Variants in TMEM63C observed in about 807,000 individuals in gnomAD.
TMEM63C encodes transmembrane protein 63C.
A neutral mutation model predicts 99.2 loss-of-function variants in TMEM63C; 32 were observed. That is an observed-to-expected ratio of 0.32 (90% CI 0.24 to 0.43). The LOEUF is 0.43. Ranked by LOEUF, TMEM63C falls within the 20% of genes least tolerant of loss-of-function variation. The pLI is 1.00. For missense variants in TMEM63C, 826 were observed against 1,053.0 expected (o/e 0.78, Z 2.98); for synonymous variants, 376 against 397.9 (o/e 0.94, Z 0.66).
chr14:77,230,636 T>G (rs527821659), intron 6 of TMEM63C, among the ~76,000 whole-genome samples: 16 of 152,212 alleles, frequency 1.1e-4, no homozygotes, highest in Admixed American at 1.0e-3. Context: ...ACTGCACATA[T>G]GAGGGATCTA....
chr14:77,195,751 C>T (rs756959951), intron 1 of TMEM63C, among the ~76,000 whole-genome samples: 1 of 152,196 alleles, frequency 6.6e-6, no homozygotes, highest in African/African-American at 2.4e-5. Context: ...CTCCCAGTGC[C>T]GTGCTGTCTC....
chr14:77,243,332 G>A (rs972021800), intron 15 of TMEM63C, among the ~76,000 whole-genome samples: 3 of 152,136 alleles, frequency 2.0e-5, no homozygotes, highest in Non-Finnish European at 2.9e-5. Flanking sequence ...AGGGGGTGTC[G>A]TCCTGTCAAC....
chr14:77,232,973 G>C (rs1888971540), intron 7 of TMEM63C, among the ~76,000 whole-genome samples: 1 of 152,192 alleles, frequency 6.6e-6, no homozygotes, highest in Non-Finnish European at 1.5e-5. Flanking sequence ...CCAAGAGCTG[G>C]TATGTTGGCA....
At chr14:77,206,971 C>A (rs767405254) in intron 1 of TMEM63C, among the ~76,000 whole-genome samples, 12 of 151,958 alleles carry the variant, frequency 7.9e-5, no homozygotes, top group Non-Finnish European at 1.5e-4. Context: ...CTTTTTAACA[C>A]AGGCATGAAG....
intron 2 of TMEM63C, among the ~76,000 whole-genome samples, chr14:77,217,541 CGAATG>C (rs1324600830): frequency 6.6e-6 from 1 of 152,208 alleles, no homozygotes; most frequent in African/African-American, 2.4e-5. Flanking sequence ...CTACTTTTCT[CGAATG>C]GAAGTGAAGG....
intron 1 of TMEM63C, among the ~76,000 whole-genome samples, chr14:77,182,498 T>C (rs1003157361): frequency 6.6e-6 from 1 of 152,308 alleles, no homozygotes; most frequent in East Asian, 1.9e-4. Flanking sequence ...ATGAAGGCCC[T>C]GGGGAAACTG....
intron 1 of TMEM63C, among the ~76,000 whole-genome samples, chr14:77,212,556 C>T (rs1158729217): frequency 6.6e-6 from 1 of 152,208 alleles, no homozygotes; most frequent in Non-Finnish European, 1.5e-5. Flanking sequence ...GGATTTTCTG[C>T]CTGTCTTCTT....
chr14:77,198,578 A>C (rs1325100121), intron 1 of TMEM63C, among the ~76,000 whole-genome samples: 1 of 152,230 alleles, frequency 6.6e-6, no homozygotes, highest in Non-Finnish European at 1.5e-5. Context: ...TGATCAGACC[A>C]TCAAAGTTGT....
At position 77,246,603 on chromosome 14, in the gene TMEM63C, T is replaced by C. The variant is rs1488540361; in HGVS notation, c.1536-6T>C. ...ACTAACAGACCTGCCTTGTTTTTGC[T>C]TCTAGTTTGGATGTCTTTCTCCGCT... On this transcript the variant is annotated splice_polypyrimidine_tract_variant and splice_region_variant and intron_variant, in intron 17 of 23. Transcript: ENST00000298351. The C allele has an allele frequency of 5.0e-6, 8 of 1,612,234 alleles. No individual in the cohort carries two copies. Among genetic ancestry groups the C allele is most frequent in the Non-Finnish European group, 6.8e-6 (8 of 1,179,076 alleles).
chr14:77,244,917 T>C (rs981070267), intron 16 of TMEM63C, among the ~76,000 whole-genome samples: 5 of 152,244 alleles, frequency 3.3e-5, no homozygotes, highest in African/African-American at 7.2e-5. Context: ...GCCAACCTTT[T>C]ACCCAATCAG....
intron 7 of TMEM63C, among the ~76,000 whole-genome samples, chr14:77,232,671 A>G (rs386913): frequency 0.064 from 9,812 of 152,334 alleles, 409 homozygotes; most frequent in Admixed American, 0.1. Flanking sequence ...TTGGGAGATC[A>G]CATGCCACAT....
intron 2 of TMEM63C, among the ~76,000 whole-genome samples, chr14:77,216,756 C>G (rs1014764255): frequency 6.6e-6 from 1 of 152,178 alleles, no homozygotes. Context: ...GAGCACGTCT[C>G]TCACCTCCAC....
chr14:77,223,289 A>C (rs887725592), intron 5 of TMEM63C, among the ~76,000 whole-genome samples: 1 of 152,216 alleles, frequency 6.6e-6, no homozygotes, highest in Non-Finnish European at 1.5e-5. Context: ...TGAGGGGGAC[A>C]AACTGAAGAG....
chr14:77,254,252 G>A (rs1172762408), intron 23 of TMEM63C, among the ~76,000 whole-genome samples: 16 of 152,286 alleles, frequency 1.1e-4, no homozygotes, highest in Admixed American at 7.8e-4. Context: ...CGGAGTGGGC[G>A]GCAGGGCCCT....
chr14:77,198,254 A>T (rs1888243054), intron 1 of TMEM63C, among the ~76,000 whole-genome samples: 1 of 152,206 alleles, frequency 6.6e-6, no homozygotes. Context: ...GCCAGCAGAG[A>T]CTACCCATGA....
chr14:77,189,646 G>A (rs1322518775), intron 1 of TMEM63C, among the ~76,000 whole-genome samples: 6 of 152,194 alleles, frequency 3.9e-5, no homozygotes, highest in Admixed American at 6.5e-5. Context: ...AATTCAGTTG[G>A]TTTAAATGAA....
intron 9 of TMEM63C, among the ~76,000 whole-genome samples, chr14:77,237,909 T>C (rs530522580): frequency 6.6e-6 from 1 of 152,256 alleles, no homozygotes; most frequent in Non-Finnish European, 1.5e-5. Flanking sequence ...AGGCCGTCCA[T>C]TCAAAAGGAC....
chr14:77,191,627 C>A (rs1241159742), intron 1 of TMEM63C, among the ~76,000 whole-genome samples: 1 of 148,730 alleles, frequency 6.7e-6, no homozygotes, highest in Non-Finnish European at 1.5e-5. Flanking sequence ...TCACCACAAC[C>A]TCCACCTCCT....
At chr14:77,203,445 A>G (rs886228354) in intron 1 of TMEM63C, among the ~76,000 whole-genome samples, 4 of 151,652 alleles carry the variant, frequency 2.6e-5, no homozygotes, top group African/African-American at 7.3e-5. Context: ...CTCGCCACCT[A>G]GTTCCCTACC....
Sources: allele counts gnomAD v4.1 joint callset (sites outside exome capture counted in the v4.1 genomes callset), GRCh38; gene constraint gnomAD v4.1.1; transcripts MANE v1.5; gene names NCBI Gene and HGNC (gene_info 2026-07-23, HGNC 2026-07-21).